KCNT2: variants seen among roughly 807,000 people sequenced by gnomAD.
KCNT2 encodes the protein potassium sodium-activated channel subfamily T member 2.
In KCNT2, 67 loss-of-function variants were observed where a neutral mutation model predicts 153.8. The ratio of observed to expected loss-of-function variants is 0.44; its 90% CI spans 0.36 to 0.53. The LOEUF (loss-of-function observed/expected upper bound fraction) is 0.53, where lower values mean the gene tolerates loss of function less well. Ranked by LOEUF, KCNT2 falls within the 20% of genes least tolerant of loss-of-function variation. The pLI is 0.00. For synonymous variants in KCNT2, 500 were observed against 458.8 expected, an observed-to-expected ratio of 1.09 and a Z score of -1.15; for missense variants, 975 against 1,354.8, an observed-to-expected ratio of 0.72 and a Z score of 4.40.
intron 1 of KCNT2, among the ~76,000 whole-genome samples, chr1:196,597,191 T>G (rs1050719415): frequency 6.6e-6 from 1 of 152,112 alleles, no homozygotes; most frequent in Non-Finnish European, 1.5e-5. Context: ...TTGACTACAT[T>G]TACATATCAG....
In KCNT2 at chr1:196,473,516, T is replaced by C. The variant is rs183076406; in HGVS notation, c.385-4448A>G. ...CCACATGTATGCATATATGTGTATGTTTGTGTGAGTTTTGTGACACATGAA... is the reference window on the plus strand; with the variant it reads ...CCACATGTATGCATATATGTGTATGCTTGTGTGAGTTTTGTGACACATGAA... On this transcript the variant is annotated intron_variant, in intron 5 of 27. Coordinates refer to ENST00000294725, the MANE Select transcript of KCNT2 (RefSeq NM_198503.5). Among the ~76,000 whole-genome samples the C allele has an allele frequency of 8.3e-4, 126 of 152,278 alleles. 1 individual carries two copies. The highest frequency in any genetic ancestry group is 1.9e-4 in the Non-Finnish European group (13 of 68,012).
chr1:196,349,868 C>A (rs1666491949), intron 14 of KCNT2, among the ~76,000 whole-genome samples: 1 of 151,986 alleles, frequency 6.6e-6, no homozygotes, highest in Admixed American at 6.6e-5. Context: ...TTCCCCCAGC[C>A]CACAACAGTC....
chr1:196,485,008 T>C (rs189974367), intron 3 of KCNT2, among the ~76,000 whole-genome samples: 8 of 152,188 alleles, frequency 5.3e-5, no homozygotes, highest in African/African-American at 1.9e-4. Context: ...TTATATTTAT[T>C]GCAGCACTAT....
intron 22 of KCNT2, among the ~76,000 whole-genome samples, chr1:196,291,902 A>G (rs1271501616): frequency 3.9e-5 from 6 of 152,196 alleles, no homozygotes; most frequent in African/African-American, 1.4e-4. Flanking sequence ...AAGATAAAAT[A>G]TTTAGAAATT....
intron 1 of KCNT2, among the ~76,000 whole-genome samples, chr1:196,553,879 C>T (rs6701763): frequency 0.015 from 2,195 of 151,190 alleles, 56 homozygotes; most frequent in African/African-American, 0.05. Flanking sequence ...GCATGAATGA[C>T]CATGGGTCAA....
At chr1:196,572,168 A>C (rs760760951) in intron 1 of KCNT2, among the ~76,000 whole-genome samples, 1 of 152,086 alleles carries the variant, frequency 6.6e-6, no homozygotes, top group South Asian at 2.1e-4. Context: ...ACATATTCTG[A>C]GAATTCATCC....
chr1:196,476,233 G>T (rs370056378), intron 5 of KCNT2, among the ~76,000 whole-genome samples: 2 of 151,902 alleles, frequency 1.3e-5, no homozygotes, highest in East Asian at 1.9e-4. Context: ...CTAGTGGAAG[G>T]GATAGGATTA....
intron 26 of KCNT2, among the ~76,000 whole-genome samples, chr1:196,241,116 C>A (rs1333093445): frequency 2.6e-5 from 4 of 151,840 alleles, no homozygotes; most frequent in African/African-American, 9.7e-5. Context: ...CTGGGAGATA[C>A]CACAGTATGT....
intron 3 of KCNT2, among the ~76,000 whole-genome samples, chr1:196,484,240 C>T (rs1572606742): frequency 6.6e-6 from 1 of 151,878 alleles, no homozygotes; most frequent in Non-Finnish European, 1.5e-5. Context: ...TGGTATCTCA[C>T]TGTGATTTTG....
rs888569727 is a variant in KCNT2 at position 196,280,910 on chromosome 1, C to T, written c.2860G>A (p.Val954Ile). Residue 954 changes from valine to isoleucine, a missense_variant, in exon 25 of 28, where the codon GTT becomes ATT. Transcript: ENST00000294725. ...TCAGTCCTGTAGATTCCAATGGGAACATCTCCAGTAGAAGAACACAACTTC... is the reference window on the plus strand; with the variant it reads ...TCAGTCCTGTAGATTCCAATGGGAATATCTCCAGTAGAAGAACACAACTTC... ...YQKLCSSTGD[V>I]PIGIYRTESQ... The T allele has an allele frequency of 6.2e-7, 1 of 1,609,568 alleles. No homozygotes were observed. The highest frequency in any genetic ancestry group is 8.5e-7 in the Non-Finnish European group (1 of 1,176,098).
chr1:196,608,004 A>C (rs756529187), intron 1 of KCNT2, among the ~76,000 whole-genome samples: 9 of 152,224 alleles, frequency 5.9e-5, no homozygotes, highest in Non-Finnish European at 1.3e-4. Flanking sequence ...GAATAAGAAA[A>C]GTGTAAAGAA....
intron 11 of KCNT2, among the ~76,000 whole-genome samples, chr1:196,425,339 G>A (rs143493944): frequency 5.6e-4 from 85 of 152,084 alleles, no homozygotes; most frequent in African/African-American, 2.0e-3. Context: ...TCACCTTTCT[G>A]ATTCCTCTAG....
At chr1:196,287,960 A>G (rs1659825301) in intron 22 of KCNT2, among the ~76,000 whole-genome samples, 1 of 152,098 alleles carries the variant, frequency 6.6e-6, no homozygotes. Flanking sequence ...GCAGTAATAC[A>G]TACTTAGGAA....
intron 24 of KCNT2, among the ~76,000 whole-genome samples, 163 bp from the exon 25 acceptor site, chr1:196,281,151 C>T (rs554242408): frequency 2.0e-4 from 30 of 152,254 alleles, no homozygotes; most frequent in African/African-American, 6.3e-4. Context: ...CAGACTCAAC[C>T]GACATCCCTG....
At position 196,342,208 on chromosome 1, in the gene KCNT2, T is replaced by C; in HGVS notation, c.1424A>G (p.Glu475Gly). ...SRGQEGQQSPEQWQKMYGRCS... is the reference protein window; with the variant it reads ...SRGQEGQQSPGQWQKMYGRCS... ...TCTACCGTACATCTTCTGCCATTGT[T>C]CTGGCGATTGCTGGCCTTCTCTGCA... The change falls in exon 15 of 28, where the codon GAA becomes GGA. Residue 475 changes from glutamate to glycine, a missense_variant. Physicochemically the swap from Glu to Gly is moderately conservative, Grantham distance 98. This residue lies in a region of KCNT2 where 325 missense variants were observed against 388.1 expected (regional missense o/e 0.84). Coordinates refer to ENST00000294725, the MANE Select transcript of KCNT2 (RefSeq NM_198503.5). The C allele has an allele frequency of 6.2e-7, 1 of 1,611,618 alleles. No individual in the cohort carries two copies.
chr1:196,497,273 A>G (rs1680329536), intron 1 of KCNT2, among the ~76,000 whole-genome samples: 2 of 152,188 alleles, frequency 1.3e-5, no homozygotes, highest in Admixed American at 1.3e-4. Flanking sequence ...TTCCCTAGAC[A>G]ATACAATATA....
intron 22 of KCNT2, among the ~76,000 whole-genome samples, chr1:196,302,093 T>G (rs1661236477): frequency 6.6e-6 from 1 of 152,186 alleles, no homozygotes; most frequent in Non-Finnish European, 1.5e-5. Flanking sequence ...CCTGTGAAGG[T>G]GCAAGGGCAT....
At chr1:196,333,391 A>G (rs1558157222) in intron 17 of KCNT2, among the ~76,000 whole-genome samples, 2 of 152,288 alleles carry the variant, frequency 1.3e-5, no homozygotes, top group South Asian at 4.1e-4. Flanking sequence ...ATAGTGTATG[A>G]AAGTGCTGAA....
rs138303961 is a variant in KCNT2 at position 196,401,505 on chromosome 1, T to C, written c.1186-2834A>G. ...AAAAAAGAAAATTTCAGCAGAGTAA[T>C]ATAAAGTATTTTTAGATTAAAAAGC... On this transcript the variant is annotated intron_variant, in intron 12 of 27. Coordinates refer to ENST00000294725, the MANE Select transcript of KCNT2 (RefSeq NM_198503.5). 4.6e-5 allele frequency among the ~76,000 whole-genome samples: 7 copies of C among 151,836 alleles called. No homozygotes were observed. The East Asian group carries it at 1.4e-3, about 30-fold the overall frequency.
Sources: gnomAD v4.1 joint callset for allele counts (sites outside exome capture counted in the v4.1 genomes callset) on GRCh38, gnomAD v4.1.1 for gene constraint, gnomAD v4.1.1 regional missense constraint, MANE v1.5 for transcripts, NCBI Gene and HGNC (gene_info 2026-07-23, HGNC 2026-07-21) for gene names.